Variants in LARP4B observed in about 807,000 individuals in gnomAD.
The protein encoded by LARP4B is La ribonucleoprotein 4B.
In LARP4B, 12 loss-of-function variants were observed where a neutral mutation model predicts 89.8. The observed-to-expected ratio is 0.13, with a 90% confidence interval of 0.09 to 0.22. The LOEUF (loss-of-function observed/expected upper bound fraction) is 0.22. Ranked by LOEUF, LARP4B falls within the 10% of genes least tolerant of loss-of-function variation. The pLI, the probability that LARP4B is intolerant of heterozygous loss-of-function variation, is 1.00. For missense variants in LARP4B, 757 were observed against 947.7 expected (o/e 0.80, Z 2.64); for synonymous variants, 367 against 363.3 (o/e 1.01, Z -0.12).
intron 17 of LARP4B, among the ~76,000 whole-genome samples, chr10:813,780 G>A (rs982505986): frequency 6.6e-6 from 1 of 151,008 alleles, no homozygotes; most frequent in African/African-American, 2.4e-5. Context: ...TAACAGAAAA[G>A]TAAAATATTT....
At chr10:965,074 A>G in the LARP4B span, among the ~76,000 whole-genome samples, 1 of 152,146 alleles carries the variant, frequency 6.6e-6, no homozygotes, top group Non-Finnish European at 1.5e-5. Flanking sequence ...TCAGGCCGGG[A>G]GTGGACGGGG....
At chr10:880,061 A>G (rs2131911933) in intron 3 of LARP4B, among the ~76,000 whole-genome samples, 1 of 152,256 alleles carries the variant, frequency 6.6e-6, no homozygotes, top group Non-Finnish European at 1.5e-5. Flanking sequence ...GACATGAGCC[A>G]CCGCACCTGG....
chr10:836,642 C>T lies in LARP4B; in HGVS notation c.647-136G>A, dbSNP rs936772012. On this transcript the variant is annotated intron_variant, in intron 7 of 17. Coordinates refer to ENST00000316157, the MANE Select transcript of LARP4B (RefSeq NM_015155.3). Reference sequence around the variant, plus strand: ...AAATGGGCAAAGTAAACCAATCTCACGTTAGATTTTTCAAAGCTCAGGAAT... The same window carrying T: ...AAATGGGCAAAGTAAACCAATCTCATGTTAGATTTTTCAAAGCTCAGGAAT... 21 of 592,854 alleles carry T rather than the reference C, an allele frequency of 3.5e-5. 2 individuals are homozygous for T. The highest frequency in any genetic ancestry group is 2.3e-4 in the South Asian group (10 of 43,126). The allele number at this position is 592,854 out of a possible 1,614,324, so 36.7% of individuals were successfully genotyped here.
At chr10:873,790 CAGTT>C (rs1319162339) in intron 3 of LARP4B, among the ~76,000 whole-genome samples, 3 of 152,134 alleles carry the variant, frequency 2.0e-5, no homozygotes, top group East Asian at 1.9e-4. Flanking sequence ...GGAATGATGT[CAGTT>C]AGAGATGCAT....
intron 5 of LARP4B, among the ~76,000 whole-genome samples, chr10:848,022 G>A (rs1833862584): frequency 6.6e-6 from 1 of 152,194 alleles, no homozygotes; most frequent in Non-Finnish European, 1.5e-5. Context: ...GAACCACAGG[G>A]CCCAGGACCC....
At chr10:860,628 T>A (rs1834551085) in intron 5 of LARP4B, among the ~76,000 whole-genome samples, 1 of 152,206 alleles carries the variant, frequency 6.6e-6, no homozygotes, top group Non-Finnish European at 1.5e-5. Flanking sequence ...TCTATCCATA[T>A]CATGAATACT....
intron 8 of LARP4B, among the ~76,000 whole-genome samples, chr10:831,932 G>A (rs1224974303): frequency 3.9e-5 from 6 of 152,142 alleles, no homozygotes; most frequent in Admixed American, 2.6e-4. Flanking sequence ...TGACAGATAC[G>A]ATAGACTTAA....
At chr10:833,273 AAAAAAAAAAAAC>A (rs1564392102) in intron 8 of LARP4B, among the ~76,000 whole-genome samples, 3 of 144,628 alleles carry the variant, frequency 2.1e-5, no homozygotes, top group Non-Finnish European at 4.7e-5. Flanking sequence ...AAAAAAAAAA[AAAAAAAAAAAAC>A]CTCAAAATGT....
intron 11 of LARP4B, among the ~76,000 whole-genome samples, chr10:829,108 G>C (rs1169276007): frequency 6.6e-6 from 1 of 152,216 alleles, no homozygotes; most frequent in Non-Finnish European, 1.5e-5. Flanking sequence ...GGGGACGCCA[G>C]GTACACTACA....
upstream of LARP4B, among the ~76,000 whole-genome samples, chr10:932,125 G>C (rs1266104795): frequency 3.3e-5 from 5 of 151,942 alleles, no homozygotes; most frequent in Admixed American, 3.3e-4. Context: ...CGCCCAGGAC[G>C]GATGGCGACC....
chr10:862,281 A>AG (rs397847739), intron 5 of LARP4B, among the ~76,000 whole-genome samples: 6 of 147,342 alleles, frequency 4.1e-5, no homozygotes, highest in African/African-American at 7.5e-5. Flanking sequence ...AAAAAAAAAA[A>AG]CAACCGTCAC....
chr10:967,334 C>T, the LARP4B span, among the ~76,000 whole-genome samples: 1 of 152,148 alleles, frequency 6.6e-6, no homozygotes, highest in Non-Finnish European at 1.5e-5. Context: ...AAGAACAGAA[C>T]ACCTTAAAAA....
At chr10:927,215 C>G (rs1263050829) in intron 1 of LARP4B, among the ~76,000 whole-genome samples, 2 of 151,796 alleles carry the variant, frequency 1.3e-5, no homozygotes. Context: ...ACAGCTTCAC[C>G]AGAAAAACTA....
chr10:875,679 T>C (rs1317588601), intron 3 of LARP4B, among the ~76,000 whole-genome samples: 1 of 152,148 alleles, frequency 6.6e-6, no homozygotes, highest in Admixed American at 6.5e-5. Flanking sequence ...ATCACACATG[T>C]GAGGAAATGC....
chr10:972,609 G>C, the LARP4B span: 29 of 457,200 alleles, frequency 6.3e-5, no homozygotes, highest in Middle Eastern at 3.2e-4. Flanking sequence ...GGGGTGTTTA[G>C]AGACTTCCAA....
At chr10:936,492 G>C (rs754617525), upstream of LARP4B, among the ~76,000 whole-genome samples, 1 of 152,140 alleles carries the variant, frequency 6.6e-6, no homozygotes, top group African/African-American at 2.4e-5. Context: ...GGCCGAGGCG[G>C]GTGTATCATC....
the LARP4B span, among the ~76,000 whole-genome samples, chr10:966,658 G>T: frequency 6.6e-6 from 1 of 152,216 alleles, no homozygotes; most frequent in African/African-American, 2.4e-5. Flanking sequence ...TCGGGCGAAG[G>T]CAGGCCTGAA....
At chr10:867,326 A>G (rs1834952545) in intron 3 of LARP4B, among the ~76,000 whole-genome samples, 2 of 152,230 alleles carry the variant, frequency 1.3e-5, no homozygotes, top group African/African-American at 4.8e-5. Flanking sequence ...CACTGGACTC[A>G]TTTCACAAAT....
Position 829,645 on chromosome 10 carries a change from G to A in LARP4B, c.915+36C>T, listed in dbSNP as rs1419081158. The A allele has an allele frequency of 6.2e-6, 10 of 1,609,584 alleles. No homozygotes were observed. The South Asian group carries it at 7.7e-5, about 12-fold the overall frequency. On this transcript the variant is annotated intron_variant, in intron 10 of 17. Coordinates refer to ENST00000316157, the MANE Select transcript of LARP4B (RefSeq NM_015155.3). ...TTAGAATACTTAAGAACATCAATTTGCAAATAAACAAAGTATAACCAATGG... is the reference window on the plus strand; with the variant it reads ...TTAGAATACTTAAGAACATCAATTTACAAATAAACAAAGTATAACCAATGG...
Sources: allele counts gnomAD v4.1 joint callset (sites outside exome capture counted in the v4.1 genomes callset), GRCh38; gene constraint gnomAD v4.1.1; transcripts MANE v1.5; gene names NCBI Gene and HGNC (gene_info 2026-07-23, HGNC 2026-07-21).